Variants in STXBP5L observed in about 807,000 individuals in gnomAD.
STXBP5L encodes syntaxin binding protein 5L, also known as syntaxin-binding protein 5-like.
Under a neutral mutation model 144.5 loss-of-function variants are expected in STXBP5L, and 65 were observed. The observed-to-expected ratio is 0.45, with a 90% CI of 0.37 to 0.55. The LOEUF (loss-of-function observed/expected upper bound fraction) is 0.55, where lower values mean the gene tolerates loss of function less well. STXBP5L is among the 20% of genes least tolerant of loss of function. The probability of loss-of-function intolerance (pLI) is 0.00; values close to 1 mark genes in which losing one functional copy is unlikely to be tolerated. For missense variants in STXBP5L, 1,298 were observed against 1,405.5 expected, an observed-to-expected ratio of 0.92 and a Z score of 1.22; for synonymous variants, 505 against 469.6, an observed-to-expected ratio of 1.08 and a Z score of -0.97.
At chr3:121,031,268 C>G (rs967805460) in intron 3 of STXBP5L, among the ~76,000 whole-genome samples, 16 of 151,886 alleles carry the variant, frequency 1.1e-4, no homozygotes, top group Non-Finnish European at 5.9e-5. Context: ...GAAGCAAGGT[C>G]AGAATACACA....
chr3:121,398,733 C>A (rs1170885014), intron 22 of STXBP5L, among the ~76,000 whole-genome samples: 1 of 152,182 alleles, frequency 6.6e-6, no homozygotes, highest in African/African-American at 2.4e-5. Context: ...TAGCTTTATG[C>A]AGATTACCTC....
chr3:121,084,044 CATTG>C (rs375441330), intron 5 of STXBP5L, among the ~76,000 whole-genome samples: 15 of 151,998 alleles, frequency 9.9e-5, no homozygotes, highest in African/African-American at 3.1e-4. Flanking sequence ...CTTTGTCATT[CATTG>C]ATTATCTCTA....
Position 121,157,594 on chromosome 3 carries a change from C to G in STXBP5L, c.844C>G (p.Pro282Ala). 1 of 1,603,902 alleles carries G rather than the reference C, an allele frequency of 6.2e-7. No individual in the cohort carries two copies. Among genetic ancestry groups the G allele is most frequent in the Non-Finnish European group, 8.5e-7 (1 of 1,175,756 alleles). The stretch of plus-strand genomic sequence containing the variant: ...TTTGACTTTATGGAACCTGAAAAGC[C>G]CAAGTCGCCCTTTCCAGACCACAAT... ...GSLTLWNLKS[P>A]SRPFQTTIPH... is the part of the protein sequence containing the mutation. The change falls in exon 9 of 27, where the codon CCA becomes GCA. Residue 282 changes from proline to alanine, a missense_variant. By Grantham distance (27) the Pro-to-Ala change is conservative. Transcript: ENST00000471454.
At chr3:121,311,795 C>G (rs548353084) in intron 19 of STXBP5L, among the ~76,000 whole-genome samples, 25 of 152,260 alleles carry the variant, frequency 1.6e-4, no homozygotes, top group African/African-American at 6.0e-4. Flanking sequence ...TCAATGCCAT[C>G]CCCATCAAGC....
intron 7 of STXBP5L, among the ~76,000 whole-genome samples, chr3:121,131,664 A>T (rs1220788500): frequency 6.6e-6 from 1 of 152,220 alleles, no homozygotes; most frequent in Non-Finnish European, 1.5e-5. Flanking sequence ...AATTGTTTTT[A>T]TGAAGCAATT....
intron 3 of STXBP5L, among the ~76,000 whole-genome samples, chr3:121,038,266 G>T (rs550366433): frequency 6.6e-6 from 1 of 151,800 alleles, no homozygotes; most frequent in Admixed American, 6.6e-5. Flanking sequence ...GCTAATATAG[G>T]TAATAAAAGC....
chr3:121,307,412 A>C (rs142518826), intron 19 of STXBP5L, among the ~76,000 whole-genome samples: 2,341 of 152,332 alleles, frequency 0.015, 33 homozygotes, highest in Middle Eastern at 0.024. Flanking sequence ...ACTATGCTTA[A>C]AGAAGTAAAG....
intron 20 of STXBP5L, among the ~76,000 whole-genome samples, chr3:121,331,698 G>A (rs940383276): frequency 6.6e-6 from 1 of 152,090 alleles, no homozygotes; most frequent in African/African-American, 2.4e-5. Context: ...CCCCAACATT[G>A]GGTATTGCAT....
At chr3:121,275,455 A>T (rs2050851421) in intron 18 of STXBP5L, among the ~76,000 whole-genome samples, 1 of 152,072 alleles carries the variant, frequency 6.6e-6, no homozygotes, top group African/African-American at 2.4e-5. Context: ...GATTTTCCAC[A>T]TTTGCTGTTA....
chr3:121,307,089 A>G (rs1385196259), intron 19 of STXBP5L, among the ~76,000 whole-genome samples: 1 of 152,136 alleles, frequency 6.6e-6, no homozygotes, highest in Admixed American at 6.6e-5. Flanking sequence ...GCAACCTCAA[A>G]GTCTTCACAA....
chr3:120,973,197 C>T (rs1381043650), intron 3 of STXBP5L, among the ~76,000 whole-genome samples: 1 of 151,946 alleles, frequency 6.6e-6, no homozygotes, highest in Non-Finnish European at 1.5e-5. Flanking sequence ...TTTGTCTGGT[C>T]CTAGGCTTTT....
intron 22 of STXBP5L, among the ~76,000 whole-genome samples, chr3:121,398,339 T>C (rs1314547904): frequency 6.6e-6 from 1 of 152,222 alleles, no homozygotes; most frequent in Non-Finnish European, 1.5e-5. Context: ...GGCTCACAGC[T>C]TTTGTGCAGC....
chr3:121,068,531 C>T (rs943484503), intron 5 of STXBP5L, among the ~76,000 whole-genome samples: 2 of 152,024 alleles, frequency 1.3e-5, no homozygotes, highest in African/African-American at 4.8e-5. Flanking sequence ...AGGATTTCAA[C>T]ATGAATCCTT....
chr3:121,213,421 G>C (rs1010150985), intron 10 of STXBP5L, among the ~76,000 whole-genome samples: 11 of 152,114 alleles, frequency 7.2e-5, no homozygotes, highest in Non-Finnish European at 1.5e-4. Context: ...GCATGAAGGG[G>C]TGTTGAATTT....
chr3:121,256,019 G>T (rs2108378027), intron 16 of STXBP5L, among the ~76,000 whole-genome samples: 1 of 152,098 alleles, frequency 6.6e-6, no homozygotes, highest in Non-Finnish European at 1.5e-5. Flanking sequence ...TTTTAATTCT[G>T]GCTTTCCCAT....
At chr3:120,972,778 G>T (rs1013585624) in intron 3 of STXBP5L, among the ~76,000 whole-genome samples, 1 of 152,014 alleles carries the variant, frequency 6.6e-6, no homozygotes, top group East Asian at 1.9e-4. Context: ...TTATCATGAA[G>T]GGGTCCTGGA....
intron 3 of STXBP5L, among the ~76,000 whole-genome samples, chr3:121,007,830 C>G (rs1944460265): frequency 6.6e-6 from 1 of 151,936 alleles, no homozygotes; most frequent in Non-Finnish European, 1.5e-5. Context: ...ACAGCATCTT[C>G]TACAGATACA....
chr3:121,252,079 G>A (rs955864551), intron 15 of STXBP5L, among the ~76,000 whole-genome samples: 2 of 152,116 alleles, frequency 1.3e-5, no homozygotes, highest in South Asian at 2.1e-4. Context: ...AATGTGGAGG[G>A]CCAGGCGCAG....
chr3:121,154,670 A>C (rs529139336), intron 8 of STXBP5L, among the ~76,000 whole-genome samples: 2 of 151,988 alleles, frequency 1.3e-5, no homozygotes, highest in South Asian at 4.1e-4. Context: ...TATGCTAAAA[A>C]AAGAACATCC....
Sources: allele counts gnomAD v4.1 joint callset (sites outside exome capture counted in the v4.1 genomes callset), GRCh38; gene constraint gnomAD v4.1.1; transcripts MANE v1.5; gene names NCBI Gene and HGNC (gene_info 2026-07-23, HGNC 2026-07-21).